The following UTRN variants were observed in gnomAD, a reference collection of about 807,000 sequenced individuals.
UTRN encodes the protein dystrophin-related protein 1.
In UTRN, 283 loss-of-function variants were observed where a neutral mutation model predicts 463.9. The observed-to-expected ratio is 0.61, with a 90% CI of 0.55 to 0.67. UTRN has a LOEUF of 0.67. Among genes scored for constraint, UTRN ranks in the 30% least tolerant of loss-of-function variants. The pLI, the probability that UTRN is intolerant of heterozygous loss-of-function variation, is 0.00. For synonymous variants in UTRN, 1,442 were observed against 1,431.5 expected, an observed-to-expected ratio of 1.01 and a Z score of -0.17; for missense variants, 3,922 against 4,084.3, an observed-to-expected ratio of 0.96 and a Z score of 1.08.
At chr6:144,607,914 C>A (rs1018004253) in intron 51 of UTRN, among the ~76,000 whole-genome samples, 2 of 152,180 alleles carry the variant, frequency 1.3e-5, no homozygotes, top group African/African-American at 4.8e-5. Flanking sequence ...AATCCTCTTG[C>A]TCTGAGAAAC....
intron 51 of UTRN, among the ~76,000 whole-genome samples, chr6:144,671,233 T>C (rs1179103456): frequency 6.6e-6 from 1 of 152,096 alleles, no homozygotes; most frequent in Non-Finnish European, 1.5e-5. Context: ...TTTGACAGTA[T>C]AGTCATTTTC....
intron 43 of UTRN, among the ~76,000 whole-genome samples, chr6:144,536,603 G>A (rs953637421): frequency 2.0e-5 from 3 of 151,820 alleles, no homozygotes; most frequent in African/African-American, 7.3e-5. Flanking sequence ...TGTATTGCAC[G>A]ATTATGTGAG....
At chr6:144,721,424 G>A (rs1308914998) in intron 53 of UTRN, among the ~76,000 whole-genome samples, 1 of 152,156 alleles carries the variant, frequency 6.6e-6, no homozygotes, top group Non-Finnish European at 1.5e-5. Flanking sequence ...GCCCAGGCTG[G>A]TGTCAAATTT....
chr6:144,798,025 T>G, intron 64 of UTRN, 35 bp downstream of exon 64: 1 of 1,613,282 alleles, frequency 6.2e-7, no homozygotes, highest in Non-Finnish European at 8.5e-7. Context: ...GGCTATTTTC[T>G]GTTTCCTTTG....
At chr6:144,479,230 C>T (rs905577754) in intron 25 of UTRN, among the ~76,000 whole-genome samples, 14 of 151,418 alleles carry the variant, frequency 9.2e-5, no homozygotes, top group South Asian at 4.2e-4. Flanking sequence ...GCAATTCTCC[C>T]GCCTCTACCT....
intron 2 of UTRN, among the ~76,000 whole-genome samples, chr6:144,372,116 T>G (rs1780042859): frequency 6.6e-6 from 1 of 152,270 alleles, no homozygotes; most frequent in Non-Finnish European, 1.5e-5. Context: ...AAGAAGGGCC[T>G]TCTGGTATTT....
intron 50 of UTRN, among the ~76,000 whole-genome samples, chr6:144,574,187 A>C (rs571772917): frequency 6.6e-6 from 1 of 152,328 alleles, no homozygotes; most frequent in African/African-American, 2.4e-5. Context: ...TAGGGGATAA[A>C]GTTTGAGAAG....
At chr6:144,808,549 G>C (rs1778344749) in intron 65 of UTRN, among the ~76,000 whole-genome samples, 1 of 151,946 alleles carries the variant, frequency 6.6e-6, no homozygotes, top group Non-Finnish European at 1.5e-5. Context: ...TTTGAGATGA[G>C]ATCTAGTCTG....
chr6:144,824,708 G>C (rs1368504597), intron 66 of UTRN, among the ~76,000 whole-genome samples: 1 of 129,606 alleles, frequency 7.7e-6, no homozygotes, highest in African/African-American at 3.0e-5. Context: ...TCTCATTGCA[G>C]CCTCGACCTC....
rs551380803 is a variant in UTRN at position 144,736,000 on chromosome 6, G to T, written c.7939+5514G>T. 2.6e-5 allele frequency among the ~76,000 whole-genome samples: 4 copies of T among 152,006 alleles called. No homozygotes were observed. The East Asian group carries it at 7.7e-4, about 29-fold the overall frequency. On this transcript the variant is annotated intron_variant, in intron 54 of 74. Transcript: ENST00000367545. ...GCTCCATGTTTTTAATACTACATTTGGGGGGACAAGAAAAAAAGAAGTCAT... is the reference window on the plus strand; with the variant it reads ...GCTCCATGTTTTTAATACTACATTTTGGGGGACAAGAAAAAAAGAAGTCAT...
rs1781136031 is a variant in UTRN at position 144,836,699 on chromosome 6, A to G, written c.10065+158A>G. 2.6e-6 allele frequency: 3 copies of G among 1,150,860 alleles called. No homozygotes were observed. The East Asian group carries it at 7.9e-5, about 30-fold the overall frequency. 71.3% of individuals were successfully genotyped at this position (1,150,860 alleles called of 1,614,324 possible). A position where few individuals can be genotyped will look rare whatever the true frequency, so the allele number is the denominator to read the frequency against. ...GGCTTAGAAATTTCCTTTTACATGT[A>G]AGCATATAAATCCTCATTGGCACAC... On this transcript the variant is annotated intron_variant, in intron 71 of 74. Coordinates refer to ENST00000367545, the MANE Select transcript of UTRN (RefSeq NM_007124.3).
At chr6:144,412,315 C>A (rs1041328582) in intron 3 of UTRN, among the ~76,000 whole-genome samples, 2 of 152,110 alleles carry the variant, frequency 1.3e-5, no homozygotes, top group African/African-American at 4.8e-5. Flanking sequence ...AAAAGTGTAG[C>A]ATTTTGTTGT....
intron 51 of UTRN, among the ~76,000 whole-genome samples, chr6:144,635,978 A>G (rs992166766): frequency 6.6e-6 from 1 of 152,064 alleles, no homozygotes; most frequent in Non-Finnish European, 1.5e-5. Flanking sequence ...GACTTTTGAC[A>G]CTGTATTTGG....
chr6:144,313,369 G>C (rs983415916), intron 2 of UTRN, among the ~76,000 whole-genome samples: 14 of 148,504 alleles, frequency 9.4e-5, no homozygotes, highest in African/African-American at 3.3e-4. Context: ...AAAAAAAAAA[G>C]AAAAGAAAAT....
intron 2 of UTRN, among the ~76,000 whole-genome samples, chr6:144,326,306 G>GTT (rs887254864): frequency 1.4e-5 from 2 of 144,586 alleles, no homozygotes; most frequent in Non-Finnish European, 3.1e-5. Context: ...TGGTCCCTTA[G>GTT]TTTTTTTTTT....
At chr6:144,837,073 A>G (rs1420943991) in intron 71 of UTRN, 5 of 159,808 alleles carry the variant, frequency 3.1e-5, no homozygotes, top group Admixed American at 2.3e-4. Flanking sequence ...TTACATTAAG[A>G]TGAATACATG....
chr6:144,660,827 T>C (rs564968340), intron 51 of UTRN, among the ~76,000 whole-genome samples: 125 of 152,314 alleles, frequency 8.2e-4, no homozygotes, highest in African/African-American at 2.9e-3. Context: ...AAACATGGAG[T>C]GCTTGCATGC....
At chr6:144,420,425 C>T (rs894406665) in intron 3 of UTRN, among the ~76,000 whole-genome samples, 3 of 152,062 alleles carry the variant, frequency 2.0e-5, no homozygotes, top group Non-Finnish European at 4.4e-5. Flanking sequence ...GACTTAAAGC[C>T]GAGGCTTCCT....
At chr6:144,757,907 T>C in intron 57 of UTRN, 22 bp from the exon 58 acceptor site, 1 of 1,600,080 alleles carries the variant, frequency 6.2e-7, no homozygotes, top group Non-Finnish European at 8.5e-7. Flanking sequence ...ACGTTTCCAA[T>C]AATCTCCCTT....
Sources: gnomAD v4.1 joint callset for allele counts (sites outside exome capture counted in the v4.1 genomes callset) on GRCh38, gnomAD v4.1.1 for gene constraint, MANE v1.5 for transcripts, NCBI Gene and HGNC (gene_info 2026-07-23, HGNC 2026-07-21) for gene names.